Variants in KIR2DL4 observed in about 807,000 individuals in gnomAD.
KIR2DL4 encodes the protein killer cell immunoglobulin like receptor, two Ig domains and long cytoplasmic tail 4, also known as killer cell immunoglobulin-like receptor 2DL4.
A neutral mutation model predicts 31.0 loss-of-function variants in KIR2DL4; 41 were observed. The observed-to-expected ratio is 1.32, with a 90% CI of 1.03 to 1.72. KIR2DL4 has a LOEUF of 1.72. Ranked by LOEUF, KIR2DL4 falls within the 40% of genes most tolerant of loss-of-function variation. The pLI is 0.00. For synonymous variants in KIR2DL4, 164 were observed against 133.6 expected, an observed-to-expected ratio of 1.23 and a Z score of -1.57; for missense variants, 438 against 353.7, an observed-to-expected ratio of 1.24 and a Z score of -1.91.
chr19:54,810,746 A>G lies in KIR2DL4; in HGVS notation c.706+1863A>G, dbSNP rs17173113. On this transcript the variant is annotated intron_variant, in intron 5 of 7. Coordinates refer to ENST00000359085, the Ensembl canonical transcript of KIR2DL4. ...GAGCGTGTGTTTGATACTCACAGCC[A>G]TTGGACTTACCTCGGGGCTAACTGG... 5.3e-3 allele frequency among the ~76,000 whole-genome samples: 800 copies of G among 151,096 alleles called. 35 individuals are homozygous for G. Among genetic ancestry groups the G allele is most frequent in the African/African-American group, 0.019 (777 of 40,902 alleles).
exon 4 of KIR2DL4, chr19:54,805,971 C>T (rs2060492633): frequency 5.6e-6 from 9 of 1,608,160 alleles, no homozygotes; most frequent in Non-Finnish European, 6.8e-6. Flanking sequence ...GAAACCTTCG[C>T]TTACAGCCCG....
intron 2 of KIR2DL4, 103 bp from the exon 3 acceptor site, chr19:54,804,690 G>C: frequency 7.8e-7 from 1 of 1,275,058 alleles, no homozygotes; most frequent in African/African-American, 1.5e-5. Flanking sequence ...CCCAGGTGTG[G>C]TAGGAGCCTT....
chr19:54,807,156 C>T (rs1222397876), intron 4 of KIR2DL4, among the ~76,000 whole-genome samples: 2 of 150,976 alleles, frequency 1.3e-5, no homozygotes, highest in African/African-American at 2.5e-5. Context: ...AATGGCAATC[C>T]TTGTAATGAC....
Position 54,813,428 on chromosome 19 carries a change from C to T in KIR2DL4, c.810+200C>T, listed in dbSNP as rs1252320911. ...CCGTTGCCTGATTGTGAACTGTATC[C>T]TCACGTCCCCTGCAGCCACTCACAT... On this transcript the variant is annotated intron_variant, in intron 6 of 7. Transcript: ENST00000359085. The T allele has an allele frequency of 8.9e-6, 7 of 788,090 alleles. 1 individual carries two copies. Among genetic ancestry groups the T allele is most frequent in the Admixed American group, 8.6e-5 (3 of 34,766 alleles). The allele number at this position is 788,090 out of a possible 1,614,324, so 48.8% of individuals were successfully genotyped here.
chr19:54,808,535 T>G lies in KIR2DL4; in HGVS notation c.656-298T>G, dbSNP rs377627213. ...AATGGGTGGATTACATCCGTGTTCT[T>G]CATTCTGCTCCATTGTTTTATGTGC... On this transcript the variant is annotated intron_variant, in intron 4 of 7. Transcript: ENST00000359085. Among the ~76,000 whole-genome samples, 667 of 149,820 alleles carry G rather than the reference T, an allele frequency of 4.5e-3. 11 individuals carry two copies. The highest frequency in any genetic ancestry group is 7.5e-3 in the Non-Finnish European group (509 of 67,774).
At chr19:54,804,048 G>T (rs1317740056) in intron 2 of KIR2DL4, 122 bp downstream of exon 2, 7 of 919,706 alleles carry the variant, frequency 7.6e-6, no homozygotes, top group Middle Eastern at 2.5e-4. Flanking sequence ...GGCCTGGGGG[G>T]AGTCTCTCAT....
rs976706579 is a variant in KIR2DL4, at chr19:54,805,561, T to C, written c.362-390T>C. Among the ~76,000 whole-genome samples the C allele has an allele frequency of 1.1e-4, 16 of 151,598 alleles. 3 individuals are homozygous for C. The South Asian group carries it at 3.4e-3, about 32-fold the overall frequency. The stretch of plus-strand genomic sequence containing the variant: ...CGAGTCTCCAGAGGGAATGCAGCCC[T>C]GCAGATGCCTTGATTGTAGCCCAGG... On this transcript the variant is annotated intron_variant, in intron 3 of 7. Transcript: ENST00000359085.
At position 54,812,484 on chromosome 19, in the gene KIR2DL4, T is replaced by C. The variant is rs758025984; in HGVS notation, c.707-641T>C. Among the ~76,000 whole-genome samples, 139 of 151,210 alleles carry C rather than the reference T, an allele frequency of 9.2e-4. 1 individual carries two copies. The highest frequency in any genetic ancestry group is 3.4e-3 in the Middle Eastern group (1 of 294). ...TGAGACGTTCCTCCTGATCTCAGGATGTTGCTGTCTTAGCCTATTTTTGTT... is the reference window on the plus strand; with the variant it reads ...TGAGACGTTCCTCCTGATCTCAGGACGTTGCTGTCTTAGCCTATTTTTGTT... On this transcript the variant is annotated intron_variant, in intron 5 of 7. Coordinates refer to ENST00000359085, the Ensembl canonical transcript of KIR2DL4.
At chr19:54,811,050 G>T (rs1296767960) in intron 5 of KIR2DL4, among the ~76,000 whole-genome samples, 3 of 151,316 alleles carry the variant, frequency 2.0e-5, no homozygotes, top group South Asian at 2.1e-4. Context: ...ATCAATACTT[G>T]GCAGAGGAGT....
intron 6 of KIR2DL4, 121 bp from the exon 6 acceptor site, chr19:54,813,569 G>C: frequency 1.0e-6 from 1 of 994,578 alleles, no homozygotes; most frequent in Non-Finnish European, 1.6e-6. Context: ...TCTGAGTCTG[G>C]CTGTTGGCAG....
At position 54,813,761 on chromosome 19, in the gene KIR2DL4, G is replaced by A; in HGVS notation, c.*41+19G>A. ...CAGGGAGGTAGGTCCTCCTAGCCCA[G>A]CCTCATGGATACAGTCTTATTCCGA... is the stretch of plus-strand genomic sequence containing the variant. On this transcript the variant is annotated intron_variant, in intron 7 of 7. Coordinates refer to ENST00000359085, the Ensembl canonical transcript of KIR2DL4. 6.2e-7 allele frequency: 1 copy of A among 1,611,494 alleles called. No individual in the cohort carries two copies. Among genetic ancestry groups the A allele is most frequent in the Non-Finnish European group, 8.5e-7 (1 of 1,179,344 alleles).
chr19:54,804,270 G>A (rs1164855444), intron 2 of KIR2DL4, among the ~76,000 whole-genome samples: 2 of 151,184 alleles, frequency 1.3e-5, no homozygotes, highest in South Asian at 2.1e-4. Flanking sequence ...GTGGGGGGAT[G>A]TGGTGTCACC....
At position 54,814,482 on chromosome 19, in the gene KIR2DL4, A is replaced by G. The variant is rs1601251369; in HGVS notation, c.*682A>G. On this transcript the variant is annotated 3_prime_UTR_variant, in exon 8 of 8. Transcript: ENST00000359085. ...TATAAAATTTTTTTGATTTCAGTGT[A>G]GTTCTCTCCTCTTCAAATAAACATG... 5 of 284,034 alleles carry G rather than the reference A, an allele frequency of 1.8e-5. No individual in the cohort carries two copies. The East Asian group carries it at 3.1e-4, about 18-fold the overall frequency. The allele number at this position is 284,034 out of a possible 1,614,324, so 17.6% of individuals were successfully genotyped here. A position where few individuals can be genotyped will look rare whatever the true frequency, so the allele number is the denominator to read the frequency against.
intron 5 of KIR2DL4, among the ~76,000 whole-genome samples, chr19:54,811,707 A>C (rs1213595460): frequency 6.6e-6 from 1 of 151,458 alleles, no homozygotes; most frequent in East Asian, 1.9e-4. Context: ...TGATACAGAT[A>C]GATCATGGGG....
chr19:54,813,102 A>T, intron 5 of KIR2DL4: 1 of 1,434,190 alleles, frequency 7.0e-7, no homozygotes, highest in Non-Finnish European at 9.6e-7. Flanking sequence ...TTAGCTTCTT[A>T]TTGGATTCCC....
exon 3 of KIR2DL4, chr19:54,804,975 G>A (rs1287581548): frequency 1.9e-6 from 3 of 1,611,926 alleles, no homozygotes; most frequent in Non-Finnish European, 2.5e-6. Flanking sequence ...CATTAGCCCT[G>A]TGACCCCAGC....
chr19:54,808,896 C>G lies in KIR2DL4; in HGVS notation c.706+13C>G, dbSNP rs1601177907. 6.3e-7 allele frequency: 1 copy of G among 1,599,110 alleles called. No individual in the cohort carries two copies. Among genetic ancestry groups the G allele is most frequent in the East Asian group, 2.2e-5 (1 of 44,714 alleles). On this transcript the variant is annotated intron_variant, in intron 5 of 7. Transcript: ENST00000359085. ...AGCTTCAAAACTGGTAAGTGAAGGA[C>G]CCCTCTTATCTCTGCTTTTGGAAAC...
chr19:54,809,799 T>C (rs1320142616), intron 5 of KIR2DL4, among the ~76,000 whole-genome samples: 1 of 151,472 alleles, frequency 6.6e-6, no homozygotes, highest in Admixed American at 6.6e-5. Flanking sequence ...ACCAAGATAA[T>C]CCATCATAAT....
intron 3 of KIR2DL4, among the ~76,000 whole-genome samples, 193 bp from the exon 4 acceptor site, chr19:54,805,758 G>T (rs2060476483): frequency 6.6e-6 from 1 of 151,114 alleles, no homozygotes; most frequent in Admixed American, 6.6e-5. Flanking sequence ...AGATCAGCAA[G>T]GGTGCACTGC....
Sources: allele counts gnomAD v4.1 joint callset (sites outside exome capture counted in the v4.1 genomes callset), GRCh38; gene constraint gnomAD v4.1.1; transcripts MANE v1.5; gene names NCBI Gene and HGNC (gene_info 2026-07-23, HGNC 2026-07-21).